The following RAB2A variants were observed in gnomAD, a reference collection of about 807,000 sequenced individuals.
RAB2A encodes ras-related protein Rab-2A.
RAB2A carries 7 observed loss-of-function variants against 32.5 expected under a neutral mutation model. The ratio of observed to expected loss-of-function variants is 0.22; its 90% confidence interval spans 0.12 to 0.40. The LOEUF is 0.40. Ranked by LOEUF, RAB2A falls within the 10% of genes least tolerant of loss-of-function variation. The pLI, the probability that RAB2A is intolerant of heterozygous loss-of-function variation, is 1.00. For synonymous variants in RAB2A, 79 were observed against 85.2 expected (o/e 0.93, Z 0.40); for missense variants, 108 against 260.7 (o/e 0.41, Z 4.03).
At chr8:60,569,583 T>C (rs1808165580) in intron 2 of RAB2A, among the ~76,000 whole-genome samples, 1 of 152,188 alleles carries the variant, frequency 6.6e-6, no homozygotes, top group Non-Finnish European at 1.5e-5. Flanking sequence ...CGATCATGGC[T>C]CACTGCAGCC....
intron 1 of RAB2A, among the ~76,000 whole-genome samples, chr8:60,529,467 G>A (rs908182025): frequency 2.6e-5 from 4 of 152,082 alleles, no homozygotes; most frequent in Non-Finnish European, 5.9e-5. Context: ...TGAATTTGGG[G>A]GCTAATTTGT....
At chr8:60,550,583 C>T (rs1194832170) in intron 1 of RAB2A, among the ~76,000 whole-genome samples, 2 of 152,014 alleles carry the variant, frequency 1.3e-5, no homozygotes, top group African/African-American at 2.4e-5. Context: ...GACAGGGTTT[C>T]ACCATGTAGT....
intron 1 of RAB2A, among the ~76,000 whole-genome samples, chr8:60,522,382 A>T (rs1807314614): frequency 6.6e-6 from 1 of 152,108 alleles, no homozygotes; most frequent in South Asian, 2.1e-4. Flanking sequence ...ATGTGTAAAT[A>T]AAAAAAGTCC....
chr8:60,558,851 G>T lies in RAB2A; in HGVS notation c.47-1G>T. On this transcript the variant is annotated splice_acceptor_variant, in intron 1 of 7. Coordinates refer to ENST00000262646, the MANE Select transcript of RAB2A (RefSeq NM_002865.3). LOFTEE classifies it high-confidence loss of function. ...CTTATTTATTTTTTTTTAACTTTCA[G>T]GTGTTGGTAAATCATGCTTATTGCT... The T allele has an allele frequency of 6.2e-7, 1 of 1,609,562 alleles. No homozygotes were observed. Among genetic ancestry groups the T allele is most frequent in the Non-Finnish European group, 8.5e-7 (1 of 1,176,382 alleles).
intron 4 of RAB2A, 96 bp from the exon 5 acceptor site, chr8:60,584,627 G>T: frequency 9.9e-7 from 1 of 1,007,774 alleles, no homozygotes; most frequent in Non-Finnish European, 1.5e-6. Flanking sequence ...AAGTGGATAT[G>T]GCTAAAAGTG....
At chr8:60,530,311 A>G (rs1807457571) in intron 1 of RAB2A, among the ~76,000 whole-genome samples, 1 of 151,856 alleles carries the variant, frequency 6.6e-6, no homozygotes, top group African/African-American at 2.4e-5. Flanking sequence ...ACACCTGGCT[A>G]CTTTTTGTGT....
intron 1 of RAB2A, among the ~76,000 whole-genome samples, chr8:60,546,311 C>T (rs1318170253): frequency 1.3e-5 from 2 of 152,194 alleles, no homozygotes; most frequent in Admixed American, 6.5e-5. Context: ...ATATTTCCTA[C>T]TTGCGATAGC....
intron 3 of RAB2A, among the ~76,000 whole-genome samples, chr8:60,574,194 C>T (rs553323755): frequency 6.6e-6 from 1 of 152,274 alleles, no homozygotes; most frequent in African/African-American, 2.4e-5. Flanking sequence ...CTTTTTGACC[C>T]CCATCGGAAT....
intron 1 of RAB2A, among the ~76,000 whole-genome samples, chr8:60,523,097 TA>T (rs1470339144): frequency 6.6e-6 from 1 of 152,064 alleles, no homozygotes; most frequent in Non-Finnish European, 1.5e-5. Context: ...AAAATACATA[TA>T]CACAGTTTAA....
rs572550015 is a variant in RAB2A at position 60,542,805 on chromosome 8, G to A, written c.47-16047G>A. 1.6e-3 allele frequency among the ~76,000 whole-genome samples: 246 copies of A among 152,214 alleles called. 1 individual carries two copies. The highest frequency in any genetic ancestry group is 3.4e-3 in the Middle Eastern group (1 of 294). ...TTTAGCAACTCTCAGCTTTGTTAGC[G>A]TACTTTTTTCTGCACTTTGCAGTTT... On this transcript the variant is annotated intron_variant, in intron 1 of 7. Coordinates refer to ENST00000262646, the MANE Select transcript of RAB2A (RefSeq NM_002865.3).
At chr8:60,569,760 G>A (rs72650405) in intron 2 of RAB2A, among the ~76,000 whole-genome samples, 18,654 of 152,114 alleles carry the variant, frequency 0.12, 1,537 homozygotes, top group East Asian at 0.26. Flanking sequence ...CAATCCTCCC[G>A]TCTCAGCCTC....
chr8:60,620,003 C>G (rs1804503883), intron 7 of RAB2A, among the ~76,000 whole-genome samples: 1 of 152,248 alleles, frequency 6.6e-6, no homozygotes, highest in African/African-American at 2.4e-5. Flanking sequence ...ACTACTGTTG[C>G]AGAACAACTG....
At chr8:60,538,865 G>A (rs993847330) in intron 1 of RAB2A, among the ~76,000 whole-genome samples, 2 of 152,136 alleles carry the variant, frequency 1.3e-5, no homozygotes, top group African/African-American at 2.4e-5. Flanking sequence ...TTGAAAACTG[G>A]CACATGAGAG....
chr8:60,565,402 G>C (rs554495504), intron 2 of RAB2A, among the ~76,000 whole-genome samples: 1 of 129,498 alleles, frequency 7.7e-6, no homozygotes, highest in Admixed American at 8.2e-5. Context: ...CTGGGCAACA[G>C]AGCAAGACCT....
At chr8:60,578,922 C>T (rs929575006) in intron 3 of RAB2A, among the ~76,000 whole-genome samples, 5 of 152,166 alleles carry the variant, frequency 3.3e-5, no homozygotes, top group Admixed American at 6.5e-5. Flanking sequence ...ACAAATGTTC[C>T]GTGACTTTAA....
At chr8:60,602,509 G>T (rs977435428) in intron 6 of RAB2A, among the ~76,000 whole-genome samples, 1 of 152,086 alleles carries the variant, frequency 6.6e-6, no homozygotes, top group Non-Finnish European at 1.5e-5. Flanking sequence ...CTAACAAAAG[G>T]GTTTCTTCCT....
At chr8:60,617,954 G>A (rs1056399889) in intron 6 of RAB2A, among the ~76,000 whole-genome samples, 2 of 152,070 alleles carry the variant, frequency 1.3e-5, no homozygotes, top group African/African-American at 4.8e-5. Flanking sequence ...TAGACATTTC[G>A]TACAAATGGA....
intron 6 of RAB2A, among the ~76,000 whole-genome samples, chr8:60,617,162 C>T (rs1364787868): frequency 6.6e-6 from 1 of 152,006 alleles, no homozygotes; most frequent in Admixed American, 6.6e-5. Flanking sequence ...TATATGCCTT[C>T]TATAGCATTC....
At chr8:60,599,569 TA>T (rs1375510302) in intron 6 of RAB2A, among the ~76,000 whole-genome samples, 3 of 152,160 alleles carry the variant, frequency 2.0e-5, no homozygotes, top group African/African-American at 7.2e-5. Flanking sequence ...GTGATACTGG[TA>T]AAGGGATAGA....
Sources: allele counts gnomAD v4.1 joint callset (sites outside exome capture counted in the v4.1 genomes callset), GRCh38; gene constraint gnomAD v4.1.1; transcripts MANE v1.5; gene names NCBI Gene and HGNC (gene_info 2026-07-23, HGNC 2026-07-21).